The following GARS1 variants were observed in gnomAD, a reference collection of about 807,000 sequenced individuals.
GARS1 encodes the protein glycyl-tRNA synthetase 1.
Under a neutral mutation model 86.4 loss-of-function variants are expected in GARS1, and 46 were observed. The observed-to-expected ratio is 0.53, with a 90% CI of 0.42 to 0.68. The LOEUF (loss-of-function observed/expected upper bound fraction) is 0.68. Among genes scored for constraint, GARS1 ranks in the 30% least tolerant of loss-of-function variants. The pLI is 0.00. For missense variants in GARS1, 797 were observed against 915.6 expected, an observed-to-expected ratio of 0.87 and a Z score of 1.67; for synonymous variants, 342 against 329.8, an observed-to-expected ratio of 1.04 and a Z score of -0.40.
At position 30,601,215 on chromosome 7, in the gene GARS1, T is replaced by G; in HGVS notation, c.569+15T>G. ...CCAGTTTTAAAGTGAGATCTTACTT[T>G]GGAGTGGGGGTATCCTACTTTAAAT... On this transcript the variant is annotated intron_variant, in intron 4 of 16. Transcript: ENST00000389266. 1 of 1,611,886 alleles carries G rather than the reference T, an allele frequency of 6.2e-7. No individual in the cohort carries two copies. Among genetic ancestry groups the G allele is most frequent in the Non-Finnish European group, 8.5e-7 (1 of 1,178,128 alleles).
intron 14 of GARS1, among the ~76,000 whole-genome samples, chr7:30,630,788 G>C (rs560903702): frequency 2.6e-5 from 4 of 152,242 alleles, no homozygotes; most frequent in African/African-American, 9.6e-5. Context: ...GGGATTACAG[G>C]CATGAGCCAC....
rs1280377387 is a variant in GARS1 at position 30,609,722 on chromosome 7, C to T, written c.873C>T (p.Asn291=). ...MFKTFIGPGG[N]MPGYLRPETA... The stretch of plus-strand genomic sequence containing the variant: ...AGACTTTCATTGGGCCTGGAGGAAA[C>T]ATGCCTGGGTATGTATCACTTATTG... Residue 291 remains asparagine (N), a synonymous_variant, in exon 7 of 17, where the codon AAC becomes AAT. Transcript: ENST00000389266. 6.2e-7 allele frequency: 1 copy of T among 1,613,442 alleles called. No individual in the cohort carries two copies.
chr7:30,629,970 A>C (rs1562783263), intron 14 of GARS1, among the ~76,000 whole-genome samples: 1 of 152,226 alleles, frequency 6.6e-6, no homozygotes, highest in Non-Finnish European at 1.5e-5. Flanking sequence ...CTAGAGCTTT[A>C]ATAGAAATTT....
Position 30,617,043 on chromosome 7 carries a change from T to A in GARS1, c.1195-71T>A, listed in dbSNP as rs1782902544. ...AGTAGAGTGAGTCAATGGAAACCGA[T>A]ATCTTGGCTTTGAAGAGTATTAATG... On this transcript the variant is annotated intron_variant, in intron 9 of 16. Transcript: ENST00000389266. 2.0e-6 allele frequency: 3 copies of A among 1,491,438 alleles called. No individual in the cohort carries two copies. The East Asian group carries it at 6.8e-5, about 34-fold the overall frequency. 92.4% of individuals were successfully genotyped at this position (1,491,438 alleles called of 1,614,324 possible). A position where few individuals can be genotyped will look rare whatever the true frequency, so the allele number is the denominator to read the frequency against.
At chr7:30,602,797 T>A (rs1791407588) in intron 4 of GARS1, among the ~76,000 whole-genome samples, 1 of 152,240 alleles carries the variant, frequency 6.6e-6, no homozygotes, top group African/African-American at 2.4e-5. Context: ...GTCTTTTTAT[T>A]GTCTAGTTAA....
At chr7:30,623,211 T>TTA (rs1783054281) in intron 12 of GARS1, among the ~76,000 whole-genome samples, 1 of 151,116 alleles carries the variant, frequency 6.6e-6, no homozygotes, top group African/African-American at 2.4e-5. Context: ...ATAAAAATTA[T>TTA]TATATATATG....
intron 2 of GARS1, among the ~76,000 whole-genome samples, chr7:30,599,147 GA>G (rs1180915749): frequency 3.3e-5 from 5 of 152,132 alleles, no homozygotes; most frequent in African/African-American, 9.7e-5. Context: ...TACGCTATAT[GA>G]ATTTCCATGG....
At chr7:30,602,775 T>C (rs1402181011) in intron 4 of GARS1, among the ~76,000 whole-genome samples, 1 of 152,260 alleles carries the variant, frequency 6.6e-6, no homozygotes, top group Non-Finnish European at 1.5e-5. Context: ...TGACAACTTG[T>C]AGAAAAGAAT....
Position 30,617,131 on chromosome 7 carries a change from A to G in GARS1, c.1212A>G (p.Thr404=), listed in dbSNP as rs377414431. 7 of 1,614,140 alleles carry G rather than the reference A, an allele frequency of 4.3e-6. No homozygotes were observed. The highest frequency in any genetic ancestry group is 3.3e-4 in the Middle Eastern group (2 of 6,048). The stretch of plus-strand genomic sequence containing the variant: ...TGGTTTAGGGTGTGATTAATAACAC[A>G]GTATTAGGCTATTTCATTGGCCGCA... ...DAVEQGVINN[T]VLGYFIGRIY... Residue 404 remains threonine (T), a synonymous_variant, in exon 10 of 17, where the codon ACA becomes ACG. Transcript: ENST00000389266.
At chr7:30,626,116 T>G (rs1783122110) in intron 12 of GARS1, 118 bp from the exon 13 acceptor site, 1 of 667,182 alleles carries the variant, frequency 1.5e-6, no homozygotes, top group African/African-American at 1.8e-5. Flanking sequence ...TTATTATATC[T>G]GGAGAGTTGA....
intron 10 of GARS1, 102 bp downstream of exon 10, chr7:30,617,380 GA>G (rs753874362): frequency 5.5e-5 from 73 of 1,336,472 alleles, no homozygotes; most frequent in Non-Finnish European, 7.3e-5. Flanking sequence ...GGAACAAAGG[GA>G]AAAGAAAAGA....
intron 13 of GARS1, among the ~76,000 whole-genome samples, chr7:30,628,215 G>A (rs1584050996): frequency 6.8e-6 from 1 of 146,058 alleles, no homozygotes; most frequent in African/African-American, 2.5e-5. Context: ...ATGAAGTCTC[G>A]CCCTTGCCTT....
rs79036537 is a variant in GARS1, at chr7:30,616,270, C to G, written c.1194+212C>G. 0.016 allele frequency among the ~76,000 whole-genome samples: 2,418 copies of G among 151,992 alleles called. 65 individuals carry two copies. The highest frequency in any genetic ancestry group is 0.055 in the African/African-American group (2,283 of 41,452). On this transcript the variant is annotated intron_variant, in intron 9 of 16. Transcript: ENST00000389266. Reference sequence around the variant, plus strand: ...CTCAATTTGTGGGCCTTGGGGCTAGCATGAAAAAAAATGTTTAGCAGAGCA... The same window carrying G: ...CTCAATTTGTGGGCCTTGGGGCTAGGATGAAAAAAAATGTTTAGCAGAGCA...
chr7:30,610,128 G>A (rs985791660), intron 7 of GARS1, among the ~76,000 whole-genome samples: 2 of 152,182 alleles, frequency 1.3e-5, no homozygotes, highest in African/African-American at 4.8e-5. Flanking sequence ...TCTGTAATGT[G>A]TGTTGTCCAG....
At chr7:30,623,194 G>A (rs1331616069) in intron 12 of GARS1, among the ~76,000 whole-genome samples, 1 of 149,908 alleles carries the variant, frequency 6.7e-6, no homozygotes, top group Non-Finnish European at 1.5e-5. Context: ...ACAATATCCA[G>A]CAAACAATAA....
chr7:30,619,934 C>T (rs6947982), intron 10 of GARS1, among the ~76,000 whole-genome samples: 73,873 of 151,542 alleles, frequency 0.49, 21,509 homozygotes, highest in Non-Finnish European at 0.65. Flanking sequence ...CATGGCACTG[C>T]ACCCAGCTAA....
At position 30,617,519 on chromosome 7, in the gene GARS1, T is replaced by A. The variant is rs575904418; in HGVS notation, c.1359+241T>A. On this transcript the variant is annotated intron_variant, in intron 10 of 16. Transcript: ENST00000389266. ...TGTATGATGGGACAGTGCGGATGTG[T>A]ACACTGCTGTACAGTGTATTGGCAG... Among the ~76,000 whole-genome samples, 106 of 152,320 alleles carry A rather than the reference T, an allele frequency of 7.0e-4. 1 individual carries two copies. The highest frequency in any genetic ancestry group is 8.8e-5 in the Non-Finnish European group (6 of 68,028).
At chr7:30,610,541 G>A (rs1292599832) in intron 7 of GARS1, among the ~76,000 whole-genome samples, 1 of 152,166 alleles carries the variant, frequency 6.6e-6, no homozygotes, top group Non-Finnish European at 1.5e-5. Context: ...GTGACAAAAT[G>A]TGTTGCAGTT....
intron 1 of GARS1, among the ~76,000 whole-genome samples, chr7:30,596,502 C>T (rs1791249851): frequency 6.6e-6 from 1 of 151,742 alleles, no homozygotes; most frequent in African/African-American, 2.4e-5. Flanking sequence ...AAAAAACCAC[C>T]ACACCCAAAC....
Sources: gnomAD v4.1 joint callset for allele counts (sites outside exome capture counted in the v4.1 genomes callset) on GRCh38, gnomAD v4.1.1 for gene constraint, MANE v1.5 for transcripts, NCBI Gene and HGNC (gene_info 2026-07-23, HGNC 2026-07-21) for gene names.